PIKFYVE: variants seen among roughly 807,000 people sequenced by gnomAD.
The protein encoded by PIKFYVE is 1-phosphatidylinositol 3-phosphate 5-kinase.
A neutral mutation model predicts 257.9 loss-of-function variants in PIKFYVE; 122 were observed. That is an observed-to-expected ratio of 0.47 (90% CI 0.41 to 0.55). The LOEUF is 0.55. Among genes scored for constraint, PIKFYVE ranks in the 20% least tolerant of loss-of-function variants. PIKFYVE has a pLI of 0.00. For missense variants in PIKFYVE, 2,160 were observed against 2,536.6 expected (o/e 0.85, Z 3.19); for synonymous variants, 892 against 868.9 (o/e 1.03, Z -0.47).
chr2:208,288,297 G>GT (rs1691846537), intron 6 of PIKFYVE, among the ~76,000 whole-genome samples: 1 of 152,136 alleles, frequency 6.6e-6, no homozygotes, highest in Non-Finnish European at 1.5e-5. Context: ...ATGAACCCAA[G>GT]GTCATGTAGC....
chr2:208,312,207 C>G (rs1695007805), intron 12 of PIKFYVE, 29 bp from the exon 13 acceptor site: 4 of 1,556,012 alleles, frequency 2.6e-6, no homozygotes, highest in East Asian at 2.2e-5. Flanking sequence ...ACTTTTGTTC[C>G]TCCTCTCTGT....
In PIKFYVE at chr2:208,315,320, G is replaced by C. The variant is rs145916346; in HGVS notation, c.1954G>C (p.Val652Leu). 6.2e-7 allele frequency: 1 copy of C among 1,614,188 alleles called. No individual in the cohort carries two copies. Among genetic ancestry groups the C allele is most frequent in the East Asian group, 2.2e-5 (1 of 44,866 alleles). The change falls in exon 15 of 42, where the codon GTC (valine) becomes CTC (leucine). Residue 652 changes from valine (V) to leucine (L), a missense_variant. Val to Leu is a conservative substitution (Grantham distance 32, BLOSUM62 1). Around this residue, in one of 12 missense-constraint regions of PIKFYVE, gnomAD observed 346 missense variants for 365.6 expected, o/e 0.95. Transcript: ENST00000264380. ...GGTTGTTCAGACAGTCCGACCTGAT[G>C]TCAAGAACCAGGATGATGACATGGA... Reference protein sequence around the residue: ...CQVVQTVRPDVKNQDDDMDIR... With the variant: ...CQVVQTVRPDLKNQDDDMDIR...
At chr2:208,327,708 G>T (rs1697091385) in intron 20 of PIKFYVE, among the ~76,000 whole-genome samples, 1 of 152,104 alleles carries the variant, frequency 6.6e-6, no homozygotes, top group African/African-American at 2.4e-5. Context: ...TGTATTTTAT[G>T]AACTTCTTCA....
intron 5 of PIKFYVE, among the ~76,000 whole-genome samples, chr2:208,282,375 C>T (rs1391547512): frequency 6.6e-6 from 1 of 152,154 alleles, no homozygotes; most frequent in Non-Finnish European, 1.5e-5. Flanking sequence ...TATTAAGGTT[C>T]TCCAGAGAAA....
chr2:208,310,817 A>G (rs558059061), intron 12 of PIKFYVE, among the ~76,000 whole-genome samples: 1 of 152,204 alleles, frequency 6.6e-6, no homozygotes, highest in South Asian at 2.1e-4. Flanking sequence ...ACTTGATTGC[A>G]TCGAGGCTTA....
chr2:208,276,172 T>C (rs1021908084), intron 3 of PIKFYVE, among the ~76,000 whole-genome samples: 1 of 152,212 alleles, frequency 6.6e-6, no homozygotes, highest in Non-Finnish European at 1.5e-5. Context: ...CTGGATGTTG[T>C]GAAGTCTGTC....
Position 208,299,740 on chromosome 2 carries a change from T to C in PIKFYVE, c.1050+961T>C, listed in dbSNP as rs1445462628. Among the ~76,000 whole-genome samples, 8 of 152,360 alleles carry C rather than the reference T, an allele frequency of 5.3e-5. No homozygotes were observed. The South Asian group carries it at 1.0e-3, about 20-fold the overall frequency. ...TTTTCAGACATTTAATACTATATGT[T>C]TATATGAAATAATCAGTTGCTTATT... On this transcript the variant is annotated intron_variant, in intron 8 of 41. Coordinates refer to ENST00000264380, the MANE Select transcript of PIKFYVE (RefSeq NM_015040.4).
At position 208,298,658 on chromosome 2, in the gene PIKFYVE, A is replaced by C. The variant is rs377371097; in HGVS notation, c.929A>C (p.Asn310Thr). 2.7e-5 allele frequency: 43 copies of C among 1,614,166 alleles called. No homozygotes were observed. The African/African-American group carries it at 3.6e-4, about 14-fold the overall frequency. Residue 310 changes from asparagine (N) to threonine (T), a missense_variant, in exon 8 of 42, where the codon AAC becomes ACC. By Grantham distance (65) the Asn-to-Thr change is moderately conservative. This residue lies in a region of PIKFYVE where 187 missense variants were observed against 185.6 expected (regional missense o/e 1.01). Coordinates refer to ENST00000264380, the MANE Select transcript of PIKFYVE (RefSeq NM_015040.4). ...PARNRSASIT[N>T]LSLDRSGSPM... Reference sequence around the variant, plus strand: ...ATTTCCAGATCAGCCAGCATTACTAACCTGTCACTGGATAGATCTGGTTCT... The same window carrying C: ...ATTTCCAGATCAGCCAGCATTACTACCCTGTCACTGGATAGATCTGGTTCT...
Position 208,333,472 on chromosome 2 carries a change from A to G in PIKFYVE, c.4121A>G (p.Asn1374Ser), listed in dbSNP as rs771271551. The G allele has an allele frequency of 6.2e-7, 1 of 1,613,868 alleles. No individual in the cohort carries two copies. The highest frequency in any genetic ancestry group is 1.1e-5 in the South Asian group (1 of 91,076). Reference sequence around the variant, plus strand: ...GATTATCACCAGTATTTCTCCTATAACCAGATGGTGGCGTCTTTCAGGTAA... The same window carrying G: ...GATTATCACCAGTATTTCTCCTATAGCCAGATGGTGGCGTCTTTCAGGTAA... Reference protein sequence around the residue: ...HHDYHQYFSYNQMVASFSYSP... With the variant: ...HHDYHQYFSYSQMVASFSYSP... The change falls in exon 24 of 42, where the codon AAC (asparagine) becomes AGC (serine). Residue 1374 changes from asparagine to serine, a missense_variant. Physicochemically the swap from Asn to Ser is conservative, Grantham distance 46. Around this residue, in one of 12 missense-constraint regions of PIKFYVE, gnomAD observed 699 missense variants for 855.8 expected, o/e 0.82. Transcript: ENST00000264380.
chr2:208,277,479 C>A, intron 4 of PIKFYVE, 58 bp from the exon 5 acceptor site: 1 of 1,559,272 alleles, frequency 6.4e-7, no homozygotes, highest in Non-Finnish European at 8.8e-7. Flanking sequence ...TTTCATTTGC[C>A]ATTGCATATT....
chr2:208,299,712 C>T (rs962481582), intron 8 of PIKFYVE, among the ~76,000 whole-genome samples: 9 of 152,172 alleles, frequency 5.9e-5, no homozygotes, highest in African/African-American at 2.2e-4. Flanking sequence ...ACACATGTAA[C>T]ACTTTTCAGA....
intron 28 of PIKFYVE, among the ~76,000 whole-genome samples, chr2:208,338,110 T>G (rs1185483019): frequency 3.3e-5 from 5 of 152,190 alleles, no homozygotes; most frequent in Admixed American, 1.3e-4. Flanking sequence ...CTCAACAGAT[T>G]ACATGCAGAA....
chr2:208,308,144 A>G (rs867387186), intron 12 of PIKFYVE, among the ~76,000 whole-genome samples: 1 of 152,168 alleles, frequency 6.6e-6, no homozygotes, highest in Middle Eastern at 3.2e-3. Flanking sequence ...CATGCCTGTA[A>G]TCCCAGCAAG....
Position 208,281,069 on chromosome 2 carries a change from T to G in PIKFYVE, c.613+3361T>G, listed in dbSNP as rs1310399374. On this transcript the variant is annotated intron_variant, in intron 5 of 41. Transcript: ENST00000264380. ...AAAGAAGAGCAACCACAAAGCTCTT[T>G]AAGGATTCGGGGCCTCCCCTCACAA... 7.2e-5 allele frequency among the ~76,000 whole-genome samples: 11 copies of G among 152,374 alleles called. No homozygotes were observed. In the East Asian group the frequency reaches 1.3e-3, roughly 19 times the overall value.
intron 15 of PIKFYVE, among the ~76,000 whole-genome samples, chr2:208,317,175 C>T (rs1327488039): frequency 2.6e-5 from 4 of 151,514 alleles, no homozygotes; most frequent in African/African-American, 9.7e-5. Context: ...GCAAAAGAAA[C>T]TACCATCAGA....
chr2:208,271,793 G>C, intron 2 of PIKFYVE, 102 bp downstream of exon 2: 1 of 1,158,786 alleles, frequency 8.6e-7, no homozygotes, highest in Non-Finnish European at 1.2e-6. Context: ...TTAGTACTCT[G>C]TTCAGCTTTA....
chr2:208,280,939 A>G (rs1574428144), intron 5 of PIKFYVE, among the ~76,000 whole-genome samples: 1 of 152,232 alleles, frequency 6.6e-6, no homozygotes, highest in African/African-American at 2.4e-5. Flanking sequence ...TTTGGCGACT[A>G]AAGTGCTGCC....
chr2:208,330,113 T>G (rs191172747), intron 22 of PIKFYVE, among the ~76,000 whole-genome samples, 200 bp downstream of exon 22: 1 of 152,192 alleles, frequency 6.6e-6, no homozygotes, highest in African/African-American at 2.4e-5. Flanking sequence ...ACATCCCTCA[T>G]ATCTCTGCCC....
intron 17 of PIKFYVE, among the ~76,000 whole-genome samples, chr2:208,323,477 G>A (rs1223297021): frequency 3.9e-5 from 6 of 152,118 alleles, no homozygotes; most frequent in African/African-American, 1.4e-4. Flanking sequence ...TCCATGGTGT[G>A]TATGTGCCAC....
Sources: gnomAD v4.1 joint callset for allele counts (sites outside exome capture counted in the v4.1 genomes callset) on GRCh38, gnomAD v4.1.1 for gene constraint, gnomAD v4.1.1 regional missense constraint, MANE v1.5 for transcripts, NCBI Gene and HGNC (gene_info 2026-07-23, HGNC 2026-07-21) for gene names.